The following PTK7 variants were observed in gnomAD, a reference collection of about 807,000 sequenced individuals.
The protein encoded by PTK7 is protein tyrosine kinase 7 (inactive).
In PTK7, 39 loss-of-function variants were observed where a neutral mutation model predicts 116.6. The observed-to-expected ratio is 0.33, with a 90% CI of 0.26 to 0.44. The LOEUF (loss-of-function observed/expected upper bound fraction) is 0.44. Ranked by LOEUF, PTK7 falls within the 20% of genes least tolerant of loss-of-function variation. The pLI, the probability that PTK7 is intolerant of heterozygous loss-of-function variation, is 1.00. For synonymous variants in PTK7, 546 were observed against 563.6 expected, an observed-to-expected ratio of 0.97 and a Z score of 0.44; for missense variants, 1,169 against 1,425.6, an observed-to-expected ratio of 0.82 and a Z score of 2.90.
intron 1 of PTK7, among the ~76,000 whole-genome samples, chr6:43,116,574 G>A (rs112756767): frequency 2.6e-5 from 4 of 151,916 alleles, no homozygotes; most frequent in African/African-American, 9.7e-5. Flanking sequence ...GGGCTTGAGT[G>A]GAGGAGGAAG....
chr6:43,155,503 G>A (rs1303291897), intron 17 of PTK7, among the ~76,000 whole-genome samples: 3 of 152,116 alleles, frequency 2.0e-5, no homozygotes, highest in African/African-American at 7.2e-5. Flanking sequence ...AGTTAGCTGG[G>A]CGTGGTGGTA....
intron 1 of PTK7, among the ~76,000 whole-genome samples, chr6:43,115,042 C>CAA (rs5875827): frequency 2.6e-3 from 372 of 143,340 alleles, no homozygotes; most frequent in African/African-American, 4.5e-3. Flanking sequence ...GACTTTGTCT[C>CAA]AAAAAAAAAA....
In PTK7 at chr6:43,145,514, C is replaced by T. The variant is rs569635185; in HGVS notation, c.2640+82C>T. On this transcript the variant is annotated intron_variant, in intron 16 of 19. Transcript: ENST00000230419. The surrounding 1 kb of genome is among the most constrained non-coding windows in gnomAD (Gnocchi z 4.8). ...AGGTGGGAGTCAGTGGTTGGAGCAC[C>T]GTGAAAACCTTGTCTCGTGCAGTCT... 30 of 1,194,830 alleles carry T rather than the reference C, an allele frequency of 2.5e-5. No individual in the cohort carries two copies. The South Asian group carries it at 2.5e-4, about 10-fold the overall frequency. The allele number at this position is 1,194,830 out of a possible 1,614,324, so 74.0% of individuals were successfully genotyped here. A position where few individuals can be genotyped will look rare whatever the true frequency, so the allele number is the denominator to read the frequency against.
At chr6:43,153,931 C>T (rs915343048) in intron 17 of PTK7, among the ~76,000 whole-genome samples, 1 of 151,850 alleles carries the variant, frequency 6.6e-6, no homozygotes, top group Non-Finnish European at 1.5e-5. Flanking sequence ...TTTGGGAGGC[C>T]GAGGCAGGTG....
At chr6:43,147,899 G>A (rs181790763) in intron 17 of PTK7, among the ~76,000 whole-genome samples, 89 of 152,276 alleles carry the variant, frequency 5.8e-4, no homozygotes, top group African/African-American at 1.9e-3. Context: ...GGACTAAAGA[G>A]CTCACAAATT....
chr6:43,138,965 C>T lies in PTK7; in HGVS notation c.1345C>T (p.Gln449Ter). 6.2e-7 allele frequency: 1 copy of T among 1,614,000 alleles called. No homozygotes were observed. Among genetic ancestry groups the T allele is most frequent in the African/African-American group, 1.3e-5 (1 of 75,060 alleles). ...PKPTVVWYRN[Q>*]MLISEDSRFE... is the part of the protein sequence containing the mutation. Reference sequence around the variant, plus strand: ...ACCTACAGTTGTCTGGTACAGAAACCAGATGCTCATCTCAGAGGTGAGAAA... The same window carrying T: ...ACCTACAGTTGTCTGGTACAGAAACTAGATGCTCATCTCAGAGGTGAGAAA... Residue 449 changes from glutamine to a stop codon, truncating the protein, a stop_gained, in exon 8 of 20, where the codon CAG becomes TAG. Coordinates refer to ENST00000230419, the MANE Select transcript of PTK7 (RefSeq NM_002821.5). LOFTEE classifies it high-confidence loss of function.
At position 43,144,619 on chromosome 6, in the gene PTK7, G is replaced by T; in HGVS notation, c.2407+13G>T. 6.3e-7 allele frequency: 1 copy of T among 1,598,234 alleles called. No individual in the cohort carries two copies. The highest frequency in any genetic ancestry group is 1.1e-5 in the South Asian group (1 of 89,150). On this transcript the variant is annotated intron_variant, in intron 15 of 19. Transcript: ENST00000230419. ...ATCACCACGCTGGGTATGTTGCCTT[G>T]ACTACAGCTGCCCCTGCCTAACTAC... is the stretch of plus-strand genomic sequence containing the variant.
chr6:43,087,848 C>T (rs146066838), intron 1 of PTK7, among the ~76,000 whole-genome samples: 9 of 152,292 alleles, frequency 5.9e-5, no homozygotes, highest in Admixed American at 3.3e-4. Flanking sequence ...TGCGTGGGCA[C>T]AGATGTGTTT....
chr6:43,142,124 G>A (rs769981593), intron 12 of PTK7, 43 bp downstream of exon 12: 1 of 1,611,004 alleles, frequency 6.2e-7, no homozygotes. Context: ...CTCTCCTGCA[G>A]CCCCCCTCCC....
intron 17 of PTK7, among the ~76,000 whole-genome samples, chr6:43,150,996 T>C (rs987899136): frequency 1.3e-5 from 2 of 150,908 alleles, no homozygotes; most frequent in African/African-American, 4.9e-5. Context: ...CTAATTTTTG[T>C]ATTTTTAGCA....
At chr6:43,105,343 A>C (rs1339107838) in intron 1 of PTK7, among the ~76,000 whole-genome samples, 1 of 151,696 alleles carries the variant, frequency 6.6e-6, no homozygotes, top group Non-Finnish European at 1.5e-5. Flanking sequence ...GTATTGGATA[A>C]ATAGGTTATG....
chr6:43,094,493 TC>T (rs1345092535), intron 1 of PTK7, among the ~76,000 whole-genome samples: 8 of 149,500 alleles, frequency 5.4e-5, no homozygotes, highest in Non-Finnish European at 1.0e-4. Flanking sequence ...TGAGACGGAG[TC>T]CGTCTCGTCG....
intron 1 of PTK7, among the ~76,000 whole-genome samples, chr6:43,084,625 T>C (rs552140821): frequency 8.5e-4 from 130 of 152,284 alleles, no homozygotes; most frequent in African/African-American, 2.8e-3. Context: ...GTGTCTTCTA[T>C]GGGTGAAGCT....
intron 5 of PTK7, chr6:43,131,790 T>C: frequency 1.7e-6 from 1 of 598,672 alleles, no homozygotes; most frequent in East Asian, 2.9e-5. Flanking sequence ...GCCTCATTGC[T>C]TCCCGAGCTG....
intron 7 of PTK7, among the ~76,000 whole-genome samples, chr6:43,135,221 G>A (rs756790626): frequency 9.8e-5 from 15 of 152,296 alleles, no homozygotes; most frequent in Admixed American, 2.6e-4. Flanking sequence ...ATTTGAGAGT[G>A]TGTGATGCAA....
rs1226249689 is a variant in PTK7 at position 43,129,788 on chromosome 6, G to C, written c.429G>C (p.Gln143His). 6.2e-7 allele frequency: 1 copy of C among 1,614,122 alleles called. No individual in the cohort carries two copies. Among genetic ancestry groups the C allele is most frequent in the Admixed American group, 1.7e-5 (1 of 60,012 alleles). ...CCTCGGAAGCTGAGATCCAGCCACA[G>C]ACCCAGGTCACACTTCGTTGCCACA... The part of the protein sequence containing the change: ...HPASEAEIQP[Q>H]TQVTLRCHID... Residue 143 changes from glutamine (Q) to histidine (H), a missense_variant, in exon 3 of 20, where the codon CAG becomes CAC. By Grantham distance (24) the Gln-to-His change is conservative. This residue lies in a region of PTK7 where 487 missense variants were observed against 549.8 expected (regional missense o/e 0.89). Coordinates refer to ENST00000230419, the MANE Select transcript of PTK7 (RefSeq NM_002821.5). This position sits in a 1 kb window ranked among gnomAD's most constrained non-coding sequence, Gnocchi z 4.5.
chr6:43,108,530 G>A (rs947731611), intron 1 of PTK7, among the ~76,000 whole-genome samples: 3 of 151,634 alleles, frequency 2.0e-5, no homozygotes, highest in African/African-American at 7.3e-5. Flanking sequence ...CTCCCAAGTA[G>A]CTGGGACTAC....
Position 43,139,223 on chromosome 6 carries a change from A to T in PTK7, c.1450A>T (p.Ser484Cys), listed in dbSNP as rs1371181950. Reference protein sequence around the residue: ...YDGTWYRCMSSTPAGSIEAQA... With the variant: ...YDGTWYRCMSCTPAGSIEAQA... ...TGGGACATGGTACCGTTGTATGAGC[A>T]GCACCCCAGCCGGCAGCATCGAGGC... Residue 484 changes from serine (S) to cysteine (C), a missense_variant, in exon 9 of 20, where the codon AGC (serine) becomes TGC (cysteine). Ser to Cys is a moderately radical substitution (Grantham distance 112). Around this residue, in one of 3 missense-constraint regions of PTK7, gnomAD observed 678 missense variants for 853.8 expected, o/e 0.79. Transcript: ENST00000230419. This position sits in a 1 kb window ranked among gnomAD's most constrained non-coding sequence, Gnocchi z 4.6. 1 of 1,614,116 alleles carries T rather than the reference A, an allele frequency of 6.2e-7. No individual in the cohort carries two copies. The highest frequency in any genetic ancestry group is 1.3e-5 in the African/African-American group (1 of 74,936).
chr6:43,126,887 C>A (rs962712673), intron 1 of PTK7, among the ~76,000 whole-genome samples: 1 of 152,230 alleles, frequency 6.6e-6, no homozygotes, highest in African/African-American at 2.4e-5. Context: ...CAGTGCCACG[C>A]TGAGAAGTAA....
Sources: gnomAD v4.1 joint callset for allele counts (sites outside exome capture counted in the v4.1 genomes callset) on GRCh38, gnomAD v4.1.1 for gene constraint, gnomAD v4.1.1 regional missense constraint, Gnocchi (gnomAD v3.1) non-coding constraint, MANE v1.5 for transcripts, NCBI Gene and HGNC (gene_info 2026-07-23, HGNC 2026-07-21) for gene names.